PFKFB3: variants seen among roughly 807,000 people sequenced by gnomAD.
The protein encoded by PFKFB3 is 6-phosphofructo-2-kinase/fructose-2,6-biphosphatase 3.
In PFKFB3, 33 loss-of-function variants were observed where a neutral mutation model predicts 68.0. That is an observed-to-expected ratio of 0.49 (90% CI 0.37 to 0.65). The LOEUF is 0.65. PFKFB3 is among the 30% of genes least tolerant of loss of function. The probability of loss-of-function intolerance (pLI) is 0.00; values close to 1 mark genes in which losing one functional copy is unlikely to be tolerated. For missense variants in PFKFB3, 586 were observed against 712.2 expected (o/e 0.82, Z 2.02); for synonymous variants, 315 against 288.2 (o/e 1.09, Z -0.94).
At position 6,233,170 on chromosome 10, in the gene PFKFB3, C is replaced by T; in HGVS notation, c.*228C>T. 3.7e-6 allele frequency: 2 copies of T among 540,110 alleles called. No individual in the cohort carries two copies. The highest frequency in any genetic ancestry group is 6.6e-6 in the Non-Finnish European group (2 of 301,646). 33.5% of individuals were successfully genotyped at this position (540,110 alleles called of 1,614,324 possible). On this transcript the variant is annotated 3_prime_UTR_variant, in exon 15 of 15. Coordinates refer to ENST00000379775, the MANE Select transcript of PFKFB3 (RefSeq NM_004566.4). ...GGCGCCCTGCCTTTAGCCGTGGGGCCCCCACCTCCACTCTCTGGGTTTCCT... is the reference window on the plus strand; with the variant it reads ...GGCGCCCTGCCTTTAGCCGTGGGGCTCCCACCTCCACTCTCTGGGTTTCCT...
chr10:6,158,791 T>G (rs1841883619), intron 1 of PFKFB3, among the ~76,000 whole-genome samples: 1 of 151,062 alleles, frequency 6.6e-6, no homozygotes, highest in South Asian at 2.1e-4. Context: ...CGCTTGAACC[T>G]AAGAGGCGGA....
intron 1 of PFKFB3, among the ~76,000 whole-genome samples, chr10:6,145,987 G>A (rs556501716): frequency 2.4e-4 from 36 of 152,344 alleles, no homozygotes; most frequent in Non-Finnish European, 4.4e-4. Context: ...TGGGGAGGGG[G>A]GCCTCGATTT....
At chr10:6,267,954 CAAAA>C in the PFKFB3 span, among the ~76,000 whole-genome samples, 14 of 85,906 alleles carry the variant, frequency 1.6e-4, no homozygotes, top group South Asian at 1.0e-3. Flanking sequence ...GACCCTATCT[CAAAA>C]AAAAAAAAAA....
chr10:6,274,846 CA>C, the PFKFB3 span, among the ~76,000 whole-genome samples: 19 of 147,938 alleles, frequency 1.3e-4, no homozygotes, highest in Admixed American at 1.1e-3. Context: ...AAAAAAAAAA[CA>C]AAAAACAAAA....
the PFKFB3 span, among the ~76,000 whole-genome samples, chr10:6,302,589 C>G: frequency 6.6e-6 from 1 of 151,190 alleles, no homozygotes; most frequent in African/African-American, 2.4e-5. Flanking sequence ...CCATGTTGGC[C>G]AGGCTGGTCT....
chr10:6,256,924 C>G (rs767061949), downstream of PFKFB3, among the ~76,000 whole-genome samples: 1 of 152,154 alleles, frequency 6.6e-6, no homozygotes, highest in Admixed American at 6.5e-5. Flanking sequence ...TAGACAAAAG[C>G]GTTCCAAATA....
At position 6,146,981 on chromosome 10, in the gene PFKFB3, C is replaced by T. The variant is rs12354479; in HGVS notation, c.16+1968C>T. Among the ~76,000 whole-genome samples, 516 of 152,350 alleles carry T rather than the reference C, an allele frequency of 3.4e-3. 1 individual carries two copies. Among genetic ancestry groups the T allele is most frequent in the Non-Finnish European group, 5.8e-3 (395 of 68,036 alleles). On this transcript the variant is annotated intron_variant, in intron 1 of 14. Transcript: ENST00000379789. ...TGGCATAAGTGCTGTCTGCGTTTCCCGGTCACCCTGGTGTGAGCCAGGGCA... is the reference window on the plus strand; with the variant it reads ...TGGCATAAGTGCTGTCTGCGTTTCCTGGTCACCCTGGTGTGAGCCAGGGCA...
intron 1 of PFKFB3, among the ~76,000 whole-genome samples, chr10:6,161,079 G>A (rs1841953949): frequency 6.6e-6 from 1 of 152,120 alleles, no homozygotes; most frequent in Admixed American, 6.6e-5. Flanking sequence ...GGGACTACAG[G>A]TGCCTGCCAC....
intron 14 of PFKFB3, among the ~76,000 whole-genome samples, chr10:6,247,868 T>C (rs1183689839): frequency 6.6e-6 from 1 of 152,242 alleles, no homozygotes; most frequent in Non-Finnish European, 1.5e-5. Context: ...CATGAAATCT[T>C]CCCCACCACT....
intron 13 of PFKFB3, chr10:6,225,240 C>G (rs1845261914): frequency 4.4e-6 from 2 of 455,976 alleles, no homozygotes; most frequent in Non-Finnish European, 8.8e-6. Context: ...CATGGCGTTC[C>G]CGAAACAGGT....
chr10:6,222,852 C>T lies in PFKFB3; in HGVS notation c.1084-3C>T. The T allele has an allele frequency of 6.2e-7, 1 of 1,612,410 alleles. No homozygotes were observed. The highest frequency in any genetic ancestry group is 8.5e-7 in the Non-Finnish European group (1 of 1,179,104). ...TCACGTGGGCCCGGCCCTCTGTGCT[C>T]AGTCCTACCAGGACCTGGTCCAGCG... is the stretch of plus-strand genomic sequence containing the variant. On this transcript the variant is annotated splice_region_variant and splice_polypyrimidine_tract_variant and intron_variant, in intron 10 of 14. Coordinates refer to ENST00000379775, the MANE Select transcript of PFKFB3 (RefSeq NM_004566.4).
upstream of PFKFB3, among the ~76,000 whole-genome samples, chr10:6,201,186 T>C (rs1313739357): frequency 6.6e-6 from 1 of 151,800 alleles, no homozygotes; most frequent in African/African-American, 2.4e-5. The surrounding 1 kb of genome is among the most constrained non-coding windows in gnomAD (Gnocchi z 4.1). Flanking sequence ...CTCGTCCCGG[T>C]GGCGCGGGCG....
downstream of PFKFB3, among the ~76,000 whole-genome samples, chr10:6,256,656 G>A (rs1846498957): frequency 6.6e-6 from 1 of 152,212 alleles, no homozygotes; most frequent in Admixed American, 6.5e-5. Context: ...CTCCTCCCAG[G>A]TGTATTTAAC....
At chr10:6,282,130 C>T in the PFKFB3 span, among the ~76,000 whole-genome samples, 6 of 152,052 alleles carry the variant, frequency 3.9e-5, no homozygotes, top group East Asian at 1.9e-4. Flanking sequence ...CCACCATGCC[C>T]GGCTGAATTT....
intron 1 of PFKFB3, among the ~76,000 whole-genome samples, chr10:6,180,452 C>CCTTTG (rs1257987968): frequency 2.6e-5 from 4 of 152,068 alleles, no homozygotes; most frequent in African/African-American, 9.7e-5. Context: ...TCTTTTCTTT[C>CCTTTG]CTTTGGTTTT....
At chr10:6,242,525 G>A (rs1311173762) in intron 14 of PFKFB3, among the ~76,000 whole-genome samples, 1 of 152,108 alleles carries the variant, frequency 6.6e-6, no homozygotes, top group East Asian at 1.9e-4. Flanking sequence ...GGTCTCTAAT[G>A]TGTGCAGGCG....
the PFKFB3 span, among the ~76,000 whole-genome samples, chr10:6,277,225 T>C: frequency 1.3e-5 from 2 of 151,700 alleles, no homozygotes; most frequent in African/African-American, 4.9e-5. Flanking sequence ...CTTTCTTTTT[T>C]CTTTTTCTTT....
At chr10:6,277,373 A>G in the PFKFB3 span, among the ~76,000 whole-genome samples, 1 of 150,266 alleles carries the variant, frequency 6.7e-6, no homozygotes, top group Non-Finnish European at 1.5e-5. Context: ...GGTGCACACC[A>G]ACACGCCCAG....
rs1466502784 is a variant in PFKFB3, at chr10:6,220,420, TTTTC to T, written c.624-230_624-227del. ...ACAGGCCCCTTTCTTTTTTTCTCCA[TTTTC>T]TTTCTTTTTTCTCCCCCTTTTCTGG... On this transcript the variant is annotated intron_variant, in intron 7 of 14. Transcript: ENST00000379775. The surrounding 1 kb of genome is among the most constrained non-coding windows in gnomAD (Gnocchi z 4.1). Among the ~76,000 whole-genome samples, 1 of 152,116 alleles carries T rather than the reference TTTTC, an allele frequency of 6.6e-6. No individual in the cohort carries two copies. The highest frequency in any genetic ancestry group is 1.5e-5 in the Non-Finnish European group (1 of 68,030).
Sources: gnomAD v4.1 joint callset for allele counts (sites outside exome capture counted in the v4.1 genomes callset) on GRCh38, gnomAD v4.1.1 for gene constraint, Gnocchi (gnomAD v3.1) non-coding constraint, MANE v1.5 for transcripts, NCBI Gene and HGNC (gene_info 2026-07-23, HGNC 2026-07-21) for gene names.